ARVCF: variants seen among roughly 807,000 people sequenced by gnomAD.
ARVCF encodes the protein ARVCF delta catenin family member.
A neutral mutation model predicts 90.9 loss-of-function variants in ARVCF; 66 were observed. The observed-to-expected ratio is 0.73, with a 90% CI of 0.60 to 0.89. ARVCF has a LOEUF of 0.89. Among genes scored for constraint, ARVCF ranks in the 40% least tolerant of loss-of-function variants. ARVCF has a pLI of 0.00. For synonymous variants in ARVCF, 653 were observed against 603.4 expected, an observed-to-expected ratio of 1.08 and a Z score of -1.21; for missense variants, 1,469 against 1,382.3, an observed-to-expected ratio of 1.06 and a Z score of -1.00.
Position 19,971,290 on chromosome 22 carries a change from CGGGCCTGCTGGGCCCGGGGGGAG to C in ARVCF, c.2804_2826del (p.Pro935ArgfsTer12). The C allele has an allele frequency of 1.9e-6, 3 of 1,557,086 alleles. No individual in the cohort carries two copies. The highest frequency in any genetic ancestry group is 1.7e-6 in the Non-Finnish European group (2 of 1,149,768). ...CCTACGGCGTCCACCAGCCTGACCG[CGGGCCTGCTGGGCCCGGGGGGAG>C]GGGCCTTCCTGCTGGGGTCGAGCTG... On this transcript the variant is annotated frameshift_variant, in exon 19 of 20. Transcript: ENST00000263207. LOFTEE classifies it high-confidence loss of function.
At position 19,975,734 on chromosome 22, in the gene ARVCF, G is replaced by A. The variant is rs754928047; in HGVS notation, c.1912C>T (p.Arg638Trp). Reference sequence around the variant, plus strand: ...GGCAGGTCTAGCGTGTCAAAGTTCCGGTCCATCTCACCATCCTTCTTTCCT... The same window carrying A: ...GGCAGGTCTAGCGTGTCAAAGTTCCAGTCCATCTCACCATCCTTCTTTCCT... ...HQGKKDGEMDRNFDTLDLPKR... is the reference protein window; with the variant it reads ...HQGKKDGEMDWNFDTLDLPKR... The change falls in exon 11 of 20, where the codon CGG (arginine) becomes TGG (tryptophan). Residue 638 changes from arginine (R) to tryptophan (W), a missense_variant. Physicochemically the swap from Arg to Trp is moderately radical, Grantham distance 101 (BLOSUM62 -3). Coordinates refer to ENST00000263207, the MANE Select transcript of ARVCF (RefSeq NM_001670.3). The A allele has an allele frequency of 1.1e-5, 17 of 1,613,482 alleles. 1 individual carries two copies. Among genetic ancestry groups the A allele is most frequent in the African/African-American group, 4.0e-5 (3 of 74,888 alleles).
At position 19,981,310 on chromosome 22, in the gene ARVCF, C is replaced by T. The variant is rs142146674; in HGVS notation, c.797G>A (p.Arg266His). Residue 266 changes from arginine (R) to histidine (H), a missense_variant, in exon 5 of 20, where the codon CGC becomes CAC. Arg to His is a conservative substitution (Grantham distance 29). Coordinates refer to ENST00000263207, the MANE Select transcript of ARVCF (RefSeq NM_001670.3). ...ACCCTCGTCATCAGCGGCCAGGCTG[C>T]GCGTGTCATCCTCCAAGCCATACGG... ...AEPYGLEDDT[R>H]SLAADDEGGP... 2.1e-5 allele frequency: 34 copies of T among 1,597,452 alleles called. No homozygotes were observed. The African/African-American group carries it at 2.5e-4, about 12-fold the overall frequency.
At chr22:20,012,608 C>T (rs1944877784) in intron 1 of ARVCF, among the ~76,000 whole-genome samples, 1 of 152,270 alleles carries the variant, frequency 6.6e-6, no homozygotes, top group African/African-American at 2.4e-5. Flanking sequence ...CTTTATTGGG[C>T]CCTTTTCCCA....
chr22:20,003,591 T>C (rs925081921), intron 2 of ARVCF, among the ~76,000 whole-genome samples: 2 of 152,332 alleles, frequency 1.3e-5, no homozygotes, highest in South Asian at 2.1e-4. Context: ...TCAATCAATG[T>C]AATACGCCAC....
At chr22:19,967,422 T>C (rs1942473812), downstream of ARVCF, 2 of 470,026 alleles carry the variant, frequency 4.3e-6, no homozygotes, top group East Asian at 7.0e-5. Flanking sequence ...TGAAAACACA[T>C]CATGATTCAT....
intron 3 of ARVCF, among the ~76,000 whole-genome samples, chr22:19,982,294 C>T (rs999136955): frequency 2.6e-5 from 4 of 152,340 alleles, no homozygotes; most frequent in Admixed American, 6.5e-5. Context: ...CTCTGAACAT[C>T]GAGGTGCTAA....
downstream of ARVCF, chr22:19,967,436 G>A (rs1046030413): frequency 2.1e-6 from 1 of 468,478 alleles, no homozygotes; most frequent in African/African-American, 2.0e-5. Context: ...GATTCATGGT[G>A]GTACTTCCTG....
chr22:19,990,814 T>G lies in ARVCF; in HGVS notation c.-18-2A>C, dbSNP rs1204479187. 3 of 1,545,096 alleles carry G rather than the reference T, an allele frequency of 1.9e-6. No homozygotes were observed. Among genetic ancestry groups the G allele is most frequent in the Non-Finnish European group, 2.6e-6 (3 of 1,142,784 alleles). ...CTCCATGACCAGAGCGCCCGCCAGCTGCAGGCAAAGCAGAGTAAGCTCAGT... is the reference window on the plus strand; with the variant it reads ...CTCCATGACCAGAGCGCCCGCCAGCGGCAGGCAAAGCAGAGTAAGCTCAGT... On this transcript the variant is annotated splice_acceptor_variant, in intron 2 of 19. Coordinates refer to ENST00000263207, the MANE Select transcript of ARVCF (RefSeq NM_001670.3). LOFTEE classifies it low-confidence loss of function (5UTR_SPLICE).
intron 2 of ARVCF, among the ~76,000 whole-genome samples, chr22:20,008,825 C>T (rs1944725798): frequency 6.6e-6 from 1 of 152,182 alleles, no homozygotes; most frequent in African/African-American, 2.4e-5. Flanking sequence ...CAGGAATAAG[C>T]AATCACCACA....
At chr22:19,978,099 G>T in intron 7 of ARVCF, 24 bp from the exon 8 acceptor site, 1 of 1,577,148 alleles carries the variant, frequency 6.3e-7, no homozygotes. Flanking sequence ...AGCAGGCCAG[G>T]TGACCCCTGG....
chr22:19,969,917 T>A lies in ARVCF; in HGVS notation c.*839A>T. On this transcript the variant is annotated 3_prime_UTR_variant, in exon 20 of 20. Transcript: ENST00000263207. ...AAAGTTCCTTTGCTGCTTTAATTTT[T>A]AAATTTTCTTACAAAAATTTAGGTG... 6.1e-6 allele frequency: 6 copies of A among 985,540 alleles called. No homozygotes were observed. The highest frequency in any genetic ancestry group is 7.2e-6 in the Non-Finnish European group (6 of 829,932). The allele number at this position is 985,540 out of a possible 1,614,324, so 61.0% of individuals were successfully genotyped here.
intron 2 of ARVCF, among the ~76,000 whole-genome samples, chr22:20,005,102 C>T (rs1246411999): frequency 6.6e-6 from 1 of 151,878 alleles, no homozygotes; most frequent in Non-Finnish European, 1.5e-5. Flanking sequence ...AAAAAGCAAC[C>T]AACAGAATGG....
At chr22:19,973,504 C>T (rs1482381127) in intron 13 of ARVCF, 139 bp downstream of exon 13, 1 of 1,405,986 alleles carries the variant, frequency 7.1e-7, no homozygotes, top group African/African-American at 1.4e-5. Flanking sequence ...ACTGGAGCTA[C>T]CTCCAGTTGG....
intron 15 of ARVCF, 36 bp downstream of exon 15, chr22:19,972,889 G>C (rs200055146): frequency 1.2e-6 from 2 of 1,613,676 alleles, no homozygotes; most frequent in Non-Finnish European, 1.7e-6. Context: ...AAGGCAAAGT[G>C]AGCAGGGAAT....
chr22:19,993,682 C>T (rs1414232928), intron 2 of ARVCF, among the ~76,000 whole-genome samples: 1 of 152,248 alleles, frequency 6.6e-6, no homozygotes, highest in Admixed American at 6.5e-5. Context: ...GCCAAACATG[C>T]TGGCCCCAGA....
chr22:19,988,129 A>G (rs1012868263), intron 3 of ARVCF, among the ~76,000 whole-genome samples: 1 of 152,178 alleles, frequency 6.6e-6, no homozygotes, highest in African/African-American at 2.4e-5. Context: ...GACCCCTCAG[A>G]AAACAGCCTC....
chr22:20,012,089 C>G (rs915291867), intron 1 of ARVCF, among the ~76,000 whole-genome samples: 1 of 144,120 alleles, frequency 6.9e-6, no homozygotes, highest in South Asian at 2.4e-4. Flanking sequence ...TCCCCCCCCC[C>G]CACCCAGTTG....
At chr22:20,000,272 G>A (rs909283595) in intron 2 of ARVCF, among the ~76,000 whole-genome samples, 1 of 152,210 alleles carries the variant, frequency 6.6e-6, no homozygotes, top group Non-Finnish European at 1.5e-5. Context: ...CTGGGGCACC[G>A]CTCATCCCTT....
chr22:19,990,492 A>G, intron 3 of ARVCF, 93 bp downstream of exon 3: 1 of 1,420,914 alleles, frequency 7.0e-7, no homozygotes, highest in South Asian at 1.4e-5. Context: ...ATCTTGCAAT[A>G]AGCGAGCGCA....
Sources: allele counts gnomAD v4.1 joint callset (sites outside exome capture counted in the v4.1 genomes callset), GRCh38; gene constraint gnomAD v4.1.1; transcripts MANE v1.5; gene names NCBI Gene and HGNC (gene_info 2026-07-23, HGNC 2026-07-21).